Variants in FNDC3A observed in about 807,000 individuals in gnomAD.
FNDC3A encodes fibronectin type III domain containing 3A.
Under a neutral mutation model 148.9 loss-of-function variants are expected in FNDC3A, and 32 were observed. That is an observed-to-expected ratio of 0.21 (90% CI 0.16 to 0.29). The LOEUF is 0.29. Ranked by LOEUF, FNDC3A falls within the 10% of genes least tolerant of loss-of-function variation. The probability of loss-of-function intolerance (pLI) is 1.00; values close to 1 mark genes in which losing one functional copy is unlikely to be tolerated. For synonymous variants in FNDC3A, 472 were observed against 473.6 expected (o/e 1.00, Z 0.04); for missense variants, 1,191 against 1,452.8 (o/e 0.82, Z 2.93).
intron 19 of FNDC3A, among the ~76,000 whole-genome samples, chr13:49,195,023 G>A (rs1247954238): frequency 6.6e-6 from 1 of 152,060 alleles, no homozygotes; most frequent in Non-Finnish European, 1.5e-5. Context: ...ATGTTAGATT[G>A]TGCAGATTTG....
intron 8 of FNDC3A, among the ~76,000 whole-genome samples, chr13:49,152,659 C>A: frequency 6.7e-6 from 1 of 148,914 alleles, no homozygotes. Context: ...CCAATGCTAC[C>A]CCTCCCCCCT....
At chr13:49,173,944 CA>C (rs1884894416) in intron 11 of FNDC3A, among the ~76,000 whole-genome samples, 1 of 152,126 alleles carries the variant, frequency 6.6e-6, no homozygotes, top group Non-Finnish European at 1.5e-5. Context: ...AGAACATTTT[CA>C]GTGTTAATCT....
chr13:49,137,304 C>T (rs990601576), intron 6 of FNDC3A, among the ~76,000 whole-genome samples: 4 of 152,020 alleles, frequency 2.6e-5, no homozygotes, highest in African/African-American at 9.7e-5. Flanking sequence ...CTTCCCCTAA[C>T]CTCTGACTTC....
intron 4 of FNDC3A, among the ~76,000 whole-genome samples, chr13:49,118,664 A>G (rs1012856995): frequency 6.6e-6 from 1 of 152,098 alleles, no homozygotes; most frequent in Admixed American, 6.5e-5. Flanking sequence ...CTCAAGCTTG[A>G]TGGGGGAGGG....
intron 2 of FNDC3A, among the ~76,000 whole-genome samples, chr13:49,042,535 G>A (rs1427048382): frequency 1.3e-5 from 2 of 152,212 alleles, no homozygotes; most frequent in South Asian, 2.1e-4. Context: ...CAGCACTTTG[G>A]GAGGCCAAGG....
At chr13:49,062,213 T>A (rs1876948157) in intron 2 of FNDC3A, among the ~76,000 whole-genome samples, 1 of 151,582 alleles carries the variant, frequency 6.6e-6, no homozygotes, top group Admixed American at 6.6e-5. Context: ...CCAAAAAGAG[T>A]GAGAGTGAGC....
chr13:49,105,355 A>AT (rs1414602453), intron 3 of FNDC3A, among the ~76,000 whole-genome samples: 1 of 152,224 alleles, frequency 6.6e-6, no homozygotes, highest in Non-Finnish European at 1.5e-5. Flanking sequence ...TACCTTAAAG[A>AT]AACATTTGCA....
At chr13:49,160,894 G>C (rs1331809506) in intron 8 of FNDC3A, among the ~76,000 whole-genome samples, 1 of 152,110 alleles carries the variant, frequency 6.6e-6, no homozygotes, top group Non-Finnish European at 1.5e-5. Flanking sequence ...AGTCATTCAG[G>C]AGGAGGTTGT....
At chr13:49,110,373 G>C (rs762822854) in intron 3 of FNDC3A, 1 of 1,610,540 alleles carries the variant, frequency 6.2e-7, no homozygotes, top group African/African-American at 1.3e-5. Context: ...GGATTTTCTT[G>C]TTCTCTGCTG....
chr13:49,144,699 C>G (rs1566281057), intron 7 of FNDC3A, among the ~76,000 whole-genome samples: 1 of 151,912 alleles, frequency 6.6e-6, no homozygotes, highest in South Asian at 2.1e-4. Context: ...TAATTGAAAC[C>G]ACATGTTTTT....
intron 2 of FNDC3A, among the ~76,000 whole-genome samples, chr13:49,049,008 G>T (rs1875627786): frequency 6.6e-6 from 1 of 152,088 alleles, no homozygotes; most frequent in Admixed American, 6.5e-5. Flanking sequence ...TGATTTTGCT[G>T]TCTTAATCAT....
At chr13:49,021,139 T>A (rs372721935) in intron 2 of FNDC3A, among the ~76,000 whole-genome samples, 8 of 152,352 alleles carry the variant, frequency 5.3e-5, no homozygotes, top group African/African-American at 1.9e-4. Flanking sequence ...AAATGATTAA[T>A]ATATACTGCC....
intron 2 of FNDC3A, among the ~76,000 whole-genome samples, chr13:49,068,187 A>T (rs1477419483): frequency 7.7e-6 from 1 of 129,116 alleles, no homozygotes; most frequent in African/African-American, 2.9e-5. Flanking sequence ...AAAAAAAAAA[A>T]GTGTGTAAGT....
intron 2 of FNDC3A, among the ~76,000 whole-genome samples, chr13:49,055,137 T>C (rs558334314): frequency 3.9e-5 from 6 of 151,998 alleles, no homozygotes; most frequent in Non-Finnish European, 5.9e-5. Context: ...AGGGTCTCAC[T>C]CTGTTGCCCA....
intron 2 of FNDC3A, among the ~76,000 whole-genome samples, chr13:49,068,282 T>C (rs1877403885): frequency 6.6e-6 from 1 of 152,012 alleles, no homozygotes; most frequent in Admixed American, 6.6e-5. Flanking sequence ...GAGGATAGAT[T>C]GAGCCCGGGA....
chr13:49,188,509 T>A lies in FNDC3A; in HGVS notation c.1826-6T>A. On this transcript the variant is annotated splice_polypyrimidine_tract_variant and splice_region_variant and intron_variant, in intron 16 of 25. Coordinates refer to ENST00000492622, the MANE Select transcript of FNDC3A (RefSeq NM_001079673.2). ...ATCTGATTGAACACAATTCCTCACC[T>A]TACAGGAAACAAATGGGAAATGATA... The A allele has an allele frequency of 1.3e-6, 2 of 1,586,822 alleles. No homozygotes were observed. Among genetic ancestry groups the A allele is most frequent in the Non-Finnish European group, 1.7e-6 (2 of 1,155,148 alleles).
At chr13:49,016,048 A>G (rs1952492426) in intron 2 of FNDC3A, among the ~76,000 whole-genome samples, 1 of 152,204 alleles carries the variant, frequency 6.6e-6, no homozygotes, top group Admixed American at 6.5e-5. Flanking sequence ...CATCAAGGAC[A>G]TTGGTCTAAA....
chr13:49,148,795 T>C (rs1883131897), intron 8 of FNDC3A, among the ~76,000 whole-genome samples: 1 of 152,192 alleles, frequency 6.6e-6, no homozygotes, highest in Admixed American at 6.5e-5. Context: ...CTTTGGACAG[T>C]ATGTTCATTT....
At position 49,128,160 on chromosome 13, in the gene FNDC3A, G is replaced by A. The variant is rs567025900; in HGVS notation, c.253-2977G>A. Among the ~76,000 whole-genome samples the A allele has an allele frequency of 2.0e-3, 308 of 152,268 alleles. 1 individual carries two copies. Among genetic ancestry groups the A allele is most frequent in the Non-Finnish European group, 2.3e-3 (158 of 68,022 alleles). ...CTCCCAAAGTGCTGGGATTACAGGC[G>A]TGAGCCACTGCACCTGGCTTCTACT... On this transcript the variant is annotated intron_variant, in intron 4 of 25. Coordinates refer to ENST00000492622, the MANE Select transcript of FNDC3A (RefSeq NM_001079673.2).
Sources: allele counts gnomAD v4.1 joint callset (sites outside exome capture counted in the v4.1 genomes callset), GRCh38; gene constraint gnomAD v4.1.1; transcripts MANE v1.5; gene names NCBI Gene and HGNC (gene_info 2026-07-23, HGNC 2026-07-21).